DTNA: variants seen among roughly 807,000 people sequenced by gnomAD.
The protein encoded by DTNA is dystrobrevin alpha.
DTNA carries 43 observed loss-of-function variants against 100.7 expected under a neutral mutation model. The observed-to-expected ratio is 0.43, with a 90% CI of 0.33 to 0.55. The LOEUF is 0.55. Ranked by LOEUF, DTNA falls within the 20% of genes least tolerant of loss-of-function variation. The probability of loss-of-function intolerance (pLI) is 0.04; values close to 1 mark genes in which losing one functional copy is unlikely to be tolerated. For synonymous variants in DTNA, 349 were observed against 347.9 expected (o/e 1.00, Z -0.04); for missense variants, 798 against 953.9 (o/e 0.84, Z 2.15).
chr18:34,886,246 A>G (rs2096920500), intron 22 of DTNA, among the ~76,000 whole-genome samples: 1 of 152,240 alleles, frequency 6.6e-6, no homozygotes, highest in Admixed American at 6.5e-5. Context: ...AGTGAAAATC[A>G]TGGAGTAATT....
chr18:34,852,127 T>C (rs536806775), intron 15 of DTNA, among the ~76,000 whole-genome samples, 199 bp downstream of exon 15: 1 of 152,314 alleles, frequency 6.6e-6, no homozygotes, highest in South Asian at 2.1e-4. Context: ...AAACGGCGTG[T>C]GCATGTATGT....
intron 1 of DTNA, among the ~76,000 whole-genome samples, chr18:34,549,257 G>A (rs565834157): frequency 2.0e-5 from 3 of 151,970 alleles, no homozygotes; most frequent in Admixed American, 6.6e-5. Flanking sequence ...AACATAAATC[G>A]GCATCTTCTT....
intron 1 of DTNA, among the ~76,000 whole-genome samples, chr18:34,726,234 C>A (rs1373614092): frequency 6.6e-6 from 1 of 151,952 alleles, no homozygotes; most frequent in Non-Finnish European, 1.5e-5. Context: ...TACCCCAGAA[C>A]TTAAAGTATA....
intron 3 of DTNA, among the ~76,000 whole-genome samples, chr18:34,768,530 C>T (rs2093608184): frequency 6.6e-6 from 1 of 152,174 alleles, no homozygotes; most frequent in Middle Eastern, 3.2e-3. Context: ...GAGAAAGGCA[C>T]TTTCTCATTC....
chr18:34,624,867 T>C (rs2147954253), intron 1 of DTNA, among the ~76,000 whole-genome samples: 1 of 152,096 alleles, frequency 6.6e-6, no homozygotes, highest in South Asian at 2.1e-4. Context: ...CTTTTTTTCA[T>C]TTGTTTTGTT....
intron 1 of DTNA, among the ~76,000 whole-genome samples, chr18:34,703,748 A>G (rs1204561094): frequency 1.3e-5 from 2 of 152,224 alleles, no homozygotes; most frequent in Admixed American, 1.3e-4. Context: ...AATTTGTTCA[A>G]TTACTAGATG....
chr18:34,571,400 A>G (rs2047574072), intron 1 of DTNA, among the ~76,000 whole-genome samples: 1 of 152,160 alleles, frequency 6.6e-6, no homozygotes, highest in African/African-American at 2.4e-5. Flanking sequence ...ACCCAGGAAA[A>G]GAGACTTGAC....
intron 1 of DTNA, among the ~76,000 whole-genome samples, chr18:34,749,649 T>C (rs867163743): frequency 8.4e-5 from 1 of 11,846 alleles, no homozygotes; most frequent in South Asian, 0.033. Context: ...CAAAAAATAA[T>C]AATAATAATA....
chr18:34,860,455 C>T (rs1431022326), intron 16 of DTNA, among the ~76,000 whole-genome samples: 2 of 152,012 alleles, frequency 1.3e-5, no homozygotes, highest in East Asian at 1.9e-4. Flanking sequence ...AGTACAGATG[C>T]CTCTTTGCAG....
intron 9 of DTNA, chr18:34,822,525 A>G (rs1436934646): frequency 1.3e-5 from 2 of 152,268 alleles, no homozygotes; most frequent in African/African-American, 2.4e-5. Context: ...TCCTCCAAAG[A>G]ATTAGAACGT....
In DTNA at chr18:34,814,006, C is replaced by T. The variant is rs2095543411; in HGVS notation, c.603+1893C>T. Among the ~76,000 whole-genome samples, 8 of 152,236 alleles carry T rather than the reference C, an allele frequency of 5.3e-5. No homozygotes were observed. In the South Asian group the frequency reaches 1.7e-3, roughly 32 times the overall value. On this transcript the variant is annotated intron_variant, in intron 6 of 22. Coordinates refer to ENST00000444659, the MANE Select transcript of DTNA (RefSeq NM_001386795.1). ...AGTGAATTATCTGATTTATGGCTTGCAACAACCCTGTGACCTAACAAGGAA... is the reference window on the plus strand; with the variant it reads ...AGTGAATTATCTGATTTATGGCTTGTAACAACCCTGTGACCTAACAAGGAA...
At chr18:34,859,896 A>G (rs928742641) in intron 16 of DTNA, among the ~76,000 whole-genome samples, 3 of 152,232 alleles carry the variant, frequency 2.0e-5, no homozygotes, top group African/African-American at 7.2e-5. Context: ...GCTTCTTACC[A>G]TGCCTTGAAT....
chr18:34,521,894 C>G (rs1045072494), intron 1 of DTNA, among the ~76,000 whole-genome samples: 1 of 152,256 alleles, frequency 6.6e-6, no homozygotes, highest in East Asian at 1.9e-4. Context: ...TTCATTGTCT[C>G]TCTCCCCCAC....
chr18:34,874,121 G>A (rs1409914235), intron 17 of DTNA, among the ~76,000 whole-genome samples: 1 of 152,188 alleles, frequency 6.6e-6, no homozygotes, highest in Non-Finnish European at 1.5e-5. Flanking sequence ...GATGTGGTGT[G>A]TTTTAACCAC....
At chr18:34,520,918 C>A (rs1420508730) in intron 1 of DTNA, among the ~76,000 whole-genome samples, 3 of 152,148 alleles carry the variant, frequency 2.0e-5, no homozygotes, top group African/African-American at 7.2e-5. Flanking sequence ...ATATATCAAA[C>A]TCCTTCCTAA....
At chr18:34,546,836 A>G (rs900366833) in intron 1 of DTNA, among the ~76,000 whole-genome samples, 1 of 151,660 alleles carries the variant, frequency 6.6e-6, no homozygotes, top group East Asian at 2.0e-4. Context: ...CAGCCTCCCA[A>G]GTAGCTGAGA....
At chr18:34,870,423 G>T (rs1224925061) in intron 17 of DTNA, among the ~76,000 whole-genome samples, 1 of 152,058 alleles carries the variant, frequency 6.6e-6, no homozygotes, top group African/African-American at 2.4e-5. Context: ...TTCTATGCAG[G>T]CATGAACCAG....
Position 34,889,029 on chromosome 18 carries a change from G to A in DTNA, c.*1295G>A. On this transcript the variant is annotated 3_prime_UTR_variant, in exon 23 of 23. Transcript: ENST00000444659. ...CAAAGACAAGAGGATAAAAGACTGG[G>A]ATAGTCTTTTCCAAGGACCCTCTTT... The A allele has an allele frequency of 1.1e-5, 11 of 985,806 alleles. No individual in the cohort carries two copies. Among genetic ancestry groups the A allele is most frequent in the Non-Finnish European group, 1.3e-5 (11 of 829,918 alleles). The allele number at this position is 985,806 out of a possible 1,614,324, so 61.1% of individuals were successfully genotyped here.
rs201233097 is a variant in DTNA at position 34,866,991 on chromosome 18, A to C, written c.1743+2929A>C. 1.5e-4 allele frequency: 171 copies of C among 1,160,864 alleles called. 1 individual carries two copies. The highest frequency in any genetic ancestry group is 3.4e-4 in the Middle Eastern group (1 of 2,982). 71.9% of individuals were successfully genotyped at this position (1,160,864 alleles called of 1,614,324 possible). ...GGGAGCAGCAAACTCAAAAAAAAAA[A>C]CAAATTAAATTAAATTAAATTAAAT... On this transcript the variant is annotated intron_variant, in intron 17 of 22. Transcript: ENST00000444659.
Sources: allele counts gnomAD v4.1 joint callset (sites outside exome capture counted in the v4.1 genomes callset), GRCh38; gene constraint gnomAD v4.1.1; transcripts MANE v1.5; gene names NCBI Gene and HGNC (gene_info 2026-07-23, HGNC 2026-07-21).